The following PDE10A variants were observed in gnomAD, a reference collection of about 807,000 sequenced individuals.
The protein encoded by PDE10A is phosphodiesterase 10A.
Under a neutral mutation model 97.7 loss-of-function variants are expected in PDE10A, and 39 were observed. That is an observed-to-expected ratio of 0.40 (90% confidence interval 0.31 to 0.52). The LOEUF (loss-of-function observed/expected upper bound fraction) is 0.52. Ranked by LOEUF, PDE10A falls within the 20% of genes least tolerant of loss-of-function variation. PDE10A has a pLI of 0.56. For missense variants in PDE10A, 731 were observed against 1,047.8 expected, an observed-to-expected ratio of 0.70 and a Z score of 4.17; for synonymous variants, 371 against 376.8, an observed-to-expected ratio of 0.98 and a Z score of 0.18.
intron 1 of PDE10A, among the ~76,000 whole-genome samples, chr6:165,701,426 C>T (rs570727389): frequency 6.6e-6 from 1 of 152,296 alleles, no homozygotes; most frequent in Admixed American, 6.5e-5. Flanking sequence ...ATGCTTGGAC[C>T]GGGCCATTTT....
chr6:165,668,769 TAGGA>T (rs149688751), intron 1 of PDE10A, among the ~76,000 whole-genome samples: 1 of 128,716 alleles, frequency 7.8e-6, no homozygotes, highest in Non-Finnish European at 1.6e-5. Context: ...GGAAGGAAGG[TAGGA>T]AGGGAGGGAG....
At chr6:165,654,239 C>T (rs902972577) in intron 1 of PDE10A, among the ~76,000 whole-genome samples, 5 of 152,186 alleles carry the variant, frequency 3.3e-5, no homozygotes, top group South Asian at 2.1e-4. Context: ...CCTTCTAAAA[C>T]GTTCCCAGTC....
intron 1 of PDE10A, among the ~76,000 whole-genome samples, chr6:165,725,882 T>C (rs1792281935): frequency 6.6e-6 from 1 of 152,156 alleles, no homozygotes. Flanking sequence ...AATGTGGCAG[T>C]TTCTTTATGT....
chr6:165,750,157 T>C (rs1379148252), intron 1 of PDE10A, among the ~76,000 whole-genome samples: 1 of 152,124 alleles, frequency 6.6e-6, no homozygotes, highest in Non-Finnish European at 1.5e-5. Flanking sequence ...GAGCAAGGCT[T>C]TGTTTGACTG....
intron 1 of PDE10A, among the ~76,000 whole-genome samples, chr6:165,813,683 G>C (rs773778492): frequency 6.6e-6 from 1 of 152,048 alleles, no homozygotes; most frequent in Non-Finnish European, 1.5e-5. Flanking sequence ...TCCATTAAAT[G>C]TAATTTTAAT....
At chr6:165,837,555 G>T (rs1324519034) in intron 1 of PDE10A, among the ~76,000 whole-genome samples, 1 of 149,868 alleles carries the variant, frequency 6.7e-6, no homozygotes, top group Non-Finnish European at 1.5e-5. Context: ...GGTTCTTTTA[G>T]AAAAAATGGA....
In PDE10A at chr6:165,738,839, C is replaced by T. The variant is rs114194547; in HGVS notation, c.-614-195271G>A. 6.9e-3 allele frequency among the ~76,000 whole-genome samples: 1,048 copies of T among 152,208 alleles called. 13 individuals carry two copies. Among genetic ancestry groups the T allele is most frequent in the African/African-American group, 0.024 (991 of 41,536 alleles). ...TTGAGAAGTGTCTGTTCATGTCCTT[C>T]GCCCACTACACACTAACAACAAACC... On this transcript the variant is annotated intron_variant, in intron 1 of 19. Coordinates refer to the PDE10A transcript ENST00000366882.
intron 1 of PDE10A, among the ~76,000 whole-genome samples, chr6:165,567,633 G>C (rs866191006): frequency 6.6e-6 from 1 of 151,886 alleles, no homozygotes; most frequent in Non-Finnish European, 1.5e-5. Context: ...TCAGTAACCA[G>C]GTATTTCGTC....
intron 1 of PDE10A, among the ~76,000 whole-genome samples, chr6:165,678,013 G>A (rs979890687): frequency 6.6e-6 from 1 of 151,310 alleles, no homozygotes. Flanking sequence ...ATGTGTGTTT[G>A]TGTATGTGTA....
At chr6:165,945,667 C>A (rs538748131) in intron 1 of PDE10A, among the ~76,000 whole-genome samples, 2 of 152,326 alleles carry the variant, frequency 1.3e-5, no homozygotes, top group South Asian at 2.1e-4. Flanking sequence ...AAACTGCCAG[C>A]ACCTTGATCT....
intron 1 of PDE10A, among the ~76,000 whole-genome samples, chr6:165,888,962 C>A (rs771589231): frequency 1.2e-4 from 18 of 152,226 alleles, no homozygotes; most frequent in Non-Finnish European, 2.6e-4. Context: ...GTCCTGCAAT[C>A]ACAGCCATCT....
intron 3 of PDE10A, among the ~76,000 whole-genome samples, chr6:165,467,131 G>A (rs1215635570): frequency 1.3e-5 from 2 of 152,172 alleles, no homozygotes; most frequent in Non-Finnish European, 2.9e-5. Context: ...TGAGAGATGT[G>A]GGAAAGCTGC....
chr6:165,961,743 C>A (rs1044228565), intron 1 of PDE10A, among the ~76,000 whole-genome samples: 4 of 152,216 alleles, frequency 2.6e-5, no homozygotes, highest in African/African-American at 7.2e-5. Context: ...AGCCCCAGAA[C>A]AAAACCACAA....
intron 2 of PDE10A, among the ~76,000 whole-genome samples, chr6:165,530,693 A>C (rs1202239828): frequency 6.6e-6 from 1 of 152,196 alleles, no homozygotes; most frequent in Non-Finnish European, 1.5e-5. Context: ...CACAAACGTA[A>C]TATAGATATA....
intron 1 of PDE10A, among the ~76,000 whole-genome samples, chr6:165,898,093 T>C (rs1478168443): frequency 1.4e-5 from 2 of 146,272 alleles, no homozygotes; most frequent in African/African-American, 5.1e-5. Flanking sequence ...CTGGGGAGGC[T>C]CTAGTCCCCC....
chr6:165,565,840 C>G (rs573439686), intron 1 of PDE10A, among the ~76,000 whole-genome samples: 37 of 152,174 alleles, frequency 2.4e-4, no homozygotes, highest in African/African-American at 8.7e-4. Flanking sequence ...AAAAAATACT[C>G]TTTTCAACAA....
chr6:165,433,954 T>A (rs537790834), intron 6 of PDE10A, among the ~76,000 whole-genome samples: 1 of 145,148 alleles, frequency 6.9e-6, no homozygotes, highest in Non-Finnish European at 1.5e-5. Flanking sequence ...GAGGCGGAGC[T>A]TGCAGTGAGC....
intron 3 of PDE10A, among the ~76,000 whole-genome samples, chr6:165,451,459 C>T (rs1178287642): frequency 6.6e-6 from 1 of 152,198 alleles, no homozygotes; most frequent in African/African-American, 2.4e-5. Flanking sequence ...GGGCTTCCTA[C>T]TGCACTTGGA....
At chr6:165,742,082 T>C (rs1792739914) in intron 1 of PDE10A, among the ~76,000 whole-genome samples, 2 of 152,216 alleles carry the variant, frequency 1.3e-5, no homozygotes, top group Non-Finnish European at 2.9e-5. Flanking sequence ...GTACTCTATA[T>C]GCATCATCTC....
Sources: allele counts gnomAD v4.1 joint callset (sites outside exome capture counted in the v4.1 genomes callset), GRCh38; gene constraint gnomAD v4.1.1; transcripts MANE v1.5; gene names NCBI Gene and HGNC (gene_info 2026-07-23, HGNC 2026-07-21).